The following L3MBTL4 variants were observed in gnomAD, a reference collection of about 807,000 sequenced individuals.
The protein encoded by L3MBTL4 is L3MBTL histone methyl-lysine binding protein 4.
In L3MBTL4, 70 loss-of-function variants were observed where a neutral mutation model predicts 84.5. The ratio of observed to expected loss-of-function variants is 0.83; its 90% CI spans 0.68 to 1.01. L3MBTL4 has a LOEUF of 1.01. Ranked by LOEUF, L3MBTL4 falls within the 50% of genes least tolerant of loss-of-function variation. The probability of loss-of-function intolerance (pLI) is 0.00; values close to 1 mark genes in which losing one functional copy is unlikely to be tolerated. For synonymous variants in L3MBTL4, 274 were observed against 259.8 expected, an observed-to-expected ratio of 1.05 and a Z score of -0.52; for missense variants, 715 against 754.8, an observed-to-expected ratio of 0.95 and a Z score of 0.62.
At chr18:5,975,161 C>T (rs962060606) in intron 16 of L3MBTL4, among the ~76,000 whole-genome samples, 2 of 152,222 alleles carry the variant, frequency 1.3e-5, no homozygotes, top group Non-Finnish European at 2.9e-5. Context: ...ATGTCTGTTT[C>T]TTCACAAAAG....
intron 16 of L3MBTL4, among the ~76,000 whole-genome samples, chr18:6,071,098 T>C (rs1331590871): frequency 6.6e-6 from 1 of 151,966 alleles, no homozygotes; most frequent in Admixed American, 6.6e-5. Flanking sequence ...ATTATAGAGA[T>C]GGTAGCAATA....
At chr18:6,237,505 G>A (rs988137960) in intron 10 of L3MBTL4, among the ~76,000 whole-genome samples, 1 of 137,184 alleles carries the variant, frequency 7.3e-6, no homozygotes, top group Non-Finnish European at 1.5e-5. Flanking sequence ...ACCCAGGCTG[G>A]TGTGCAGTGA....
At chr18:6,182,721 G>A (rs1228915307) in intron 12 of L3MBTL4, among the ~76,000 whole-genome samples, 1 of 152,110 alleles carries the variant, frequency 6.6e-6, no homozygotes, top group Non-Finnish European at 1.5e-5. Flanking sequence ...TTTGTACATG[G>A]TGTAAGGAAG....
intron 16 of L3MBTL4, chr18:6,031,950 T>C (rs1186636596): frequency 1.7e-6 from 1 of 572,958 alleles, no homozygotes; most frequent in Non-Finnish European, 2.2e-6. Context: ...TTAAAAGGAA[T>C]TTCTCCACCC....
chr18:6,324,263 G>C (rs907952376), intron 1 of L3MBTL4, among the ~76,000 whole-genome samples: 2 of 152,232 alleles, frequency 1.3e-5, no homozygotes, highest in African/African-American at 2.4e-5. Context: ...TGCTAGGGCA[G>C]TGCAGAGGGG....
chr18:6,222,381 C>A (rs962434892), intron 10 of L3MBTL4, among the ~76,000 whole-genome samples: 1 of 152,124 alleles, frequency 6.6e-6, no homozygotes, highest in African/African-American at 2.4e-5. Context: ...GTACTATATC[C>A]AGAATACACT....
chr18:6,386,131 A>T (rs187853640), intron 1 of L3MBTL4, among the ~76,000 whole-genome samples: 1 of 152,352 alleles, frequency 6.6e-6, no homozygotes, highest in Admixed American at 6.5e-5. Context: ...CACCAAGCAC[A>T]CAGGGGAGAA....
At chr18:6,029,607 A>G (rs1331704351) in intron 16 of L3MBTL4, 1 of 985,110 alleles carries the variant, frequency 1.0e-6, no homozygotes, top group Admixed American at 6.1e-5. Context: ...CGTAAGAAGG[A>G]CGCAAGTTCT....
At chr18:6,174,108 C>G (rs1050242694) in intron 12 of L3MBTL4, among the ~76,000 whole-genome samples, 3 of 150,726 alleles carry the variant, frequency 2.0e-5, no homozygotes, top group African/African-American at 4.9e-5. Flanking sequence ...TGAAGAATTA[C>G]CAGTAATGAA....
chr18:5,970,160 G>A (rs1291820024), intron 16 of L3MBTL4, among the ~76,000 whole-genome samples: 1 of 152,196 alleles, frequency 6.6e-6, no homozygotes, highest in Non-Finnish European at 1.5e-5. Flanking sequence ...GACCTCACCT[G>A]GGGTGACATC....
intron 12 of L3MBTL4, among the ~76,000 whole-genome samples, chr18:6,182,962 C>T (rs1226511232): frequency 1.3e-5 from 2 of 152,140 alleles, no homozygotes; most frequent in Non-Finnish European, 2.9e-5. Flanking sequence ...GATTGAAGGC[C>T]TGATGCAGAG....
At chr18:6,089,869 G>A (rs1273250863) in intron 15 of L3MBTL4, among the ~76,000 whole-genome samples, 3 of 152,042 alleles carry the variant, frequency 2.0e-5, no homozygotes, top group African/African-American at 4.8e-5. Context: ...TTAATCAGAC[G>A]ACCTATGTTT....
intron 16 of L3MBTL4, among the ~76,000 whole-genome samples, chr18:6,069,299 G>T (rs1041953877): frequency 1.3e-5 from 2 of 152,170 alleles, no homozygotes; most frequent in African/African-American, 4.8e-5. Flanking sequence ...CTTCCTGGGC[G>T]CATTCTACCT....
intron 10 of L3MBTL4, among the ~76,000 whole-genome samples, chr18:6,236,657 T>A (rs1350765918): frequency 3.3e-5 from 5 of 152,222 alleles, no homozygotes; most frequent in African/African-American, 1.2e-4. Context: ...AAAGTTAGTT[T>A]TAGCCACTTT....
At chr18:6,130,293 G>A (rs1260956235) in intron 14 of L3MBTL4, among the ~76,000 whole-genome samples, 3 of 151,284 alleles carry the variant, frequency 2.0e-5, no homozygotes, top group Non-Finnish European at 4.4e-5. Context: ...AAGGGGAACA[G>A]ACGTGAAAAG....
chr18:5,996,613 A>C (rs1488363988), intron 16 of L3MBTL4, among the ~76,000 whole-genome samples: 1 of 152,176 alleles, frequency 6.6e-6, no homozygotes. Flanking sequence ...CATGAAGCTC[A>C]GAGAAGCTTT....
At chr18:6,363,939 G>GA (rs370094238) in intron 1 of L3MBTL4, among the ~76,000 whole-genome samples, 89 of 147,650 alleles carry the variant, frequency 6.0e-4, no homozygotes, top group African/African-American at 1.7e-3. Flanking sequence ...TAACAGCTGG[G>GA]AAAAAAAAAA....
At chr18:6,079,928 C>G (rs1433357257) in intron 16 of L3MBTL4, 1 of 152,266 alleles carries the variant, frequency 6.6e-6, no homozygotes, top group Non-Finnish European at 1.5e-5. Context: ...CAACTGCCCT[C>G]TCTTTTCTGA....
intron 16 of L3MBTL4, among the ~76,000 whole-genome samples, chr18:6,039,934 A>G (rs530271481): frequency 6.6e-6 from 1 of 152,376 alleles, no homozygotes; most frequent in African/African-American, 2.4e-5. Context: ...CATTAGCTTA[A>G]GTAATATGAT....
Sources: gnomAD v4.1 joint callset for allele counts (sites outside exome capture counted in the v4.1 genomes callset) on GRCh38, gnomAD v4.1.1 for gene constraint, MANE v1.5 for transcripts, NCBI Gene and HGNC (gene_info 2026-07-23, HGNC 2026-07-21) for gene names.